Variants in MIB1 observed in about 807,000 individuals in gnomAD.
MIB1 encodes MIB E3 ubiquitin protein ligase 1.
Under a neutral mutation model 124.5 loss-of-function variants are expected in MIB1, and 278 were observed. That is an observed-to-expected ratio of 2.23 (90% CI 2.02 to 2.47). The LOEUF (loss-of-function observed/expected upper bound fraction) is 2.47. MIB1 is among the 30% of genes most tolerant of loss of function. The pLI is 0.00. For missense variants in MIB1, 957 were observed against 1,254.4 expected (o/e 0.76, Z 3.58); for synonymous variants, 446 against 429.4 (o/e 1.04, Z -0.48).
chr18:21,838,385 C>T lies in MIB1; in HGVS notation c.1850C>T (p.Ser617Phe), dbSNP rs2042052732. The part of the protein sequence containing the change: ...GNPSAMRVLL[S>F]KLPRPWIVDE... Reference sequence around the variant, plus strand: ...TTCAGTGCAATGCGTGTTTTACTATCTAAATTACCAAGACCATGGATTGTG... The same window carrying T: ...TTCAGTGCAATGCGTGTTTTACTATTTAAATTACCAAGACCATGGATTGTG... Residue 617 changes from serine (S) to phenylalanine (F), a missense_variant, in exon 13 of 21, where the codon TCT becomes TTT. By Grantham distance (155) the Ser-to-Phe change is radical (BLOSUM62 -2). Coordinates refer to ENST00000261537, the MANE Select transcript of MIB1 (RefSeq NM_020774.4). 1 of 1,599,276 alleles carries T rather than the reference C, an allele frequency of 6.3e-7. No individual in the cohort carries two copies.
rs932238271 is a variant in MIB1, at chr18:21,865,289, C to A, written c.*623C>A. 1.5e-4 allele frequency: 22 copies of A among 151,720 alleles called. No homozygotes were observed. Among genetic ancestry groups the A allele is most frequent in the African/African-American group, 5.3e-4 (22 of 41,290 alleles). The allele number at this position is 151,720 out of a possible 1,614,324, so 9.4% of individuals were successfully genotyped here. A position where few individuals can be genotyped will look rare whatever the true frequency, so the allele number is the denominator to read the frequency against. On this transcript the variant is annotated 3_prime_UTR_variant, in exon 21 of 21. Coordinates refer to ENST00000261537, the MANE Select transcript of MIB1 (RefSeq NM_020774.4). ...AATGACTTTGCATTTCTCTTGTTTT[C>A]TAGATTCAAAAGGAACATTGTTTAA...
chr18:21,729,931 A>G (rs2040760564), intron 1 of MIB1, among the ~76,000 whole-genome samples: 1 of 152,238 alleles, frequency 6.6e-6, no homozygotes, highest in Admixed American at 6.5e-5. Flanking sequence ...GATCACAGCA[A>G]TCTATGTGCC....
intron 4 of MIB1, among the ~76,000 whole-genome samples, chr18:21,774,900 T>C (rs2041263441): frequency 6.6e-6 from 1 of 150,772 alleles, no homozygotes; most frequent in South Asian, 2.1e-4. Context: ...AGTATCCCAG[T>C]GTCCCCTTAA....
intron 1 of MIB1, among the ~76,000 whole-genome samples, chr18:21,723,327 G>A (rs2146359401): frequency 6.6e-6 from 1 of 151,674 alleles, no homozygotes; most frequent in African/African-American, 2.4e-5. Context: ...CCCTATCTCA[G>A]GCCTAGAATG....
chr18:21,853,763 T>A (rs2042201448), intron 18 of MIB1, among the ~76,000 whole-genome samples: 2 of 152,216 alleles, frequency 1.3e-5, no homozygotes, highest in African/African-American at 4.8e-5. Context: ...ACATATTCTC[T>A]TGAAGTCCTT....
At chr18:21,722,644 C>G (rs1226901079) in intron 1 of MIB1, among the ~76,000 whole-genome samples, 1 of 152,156 alleles carries the variant, frequency 6.6e-6, no homozygotes, top group Non-Finnish European at 1.5e-5. Context: ...GCTGGAATTA[C>G]AGGCATGAGC....
At chr18:21,725,698 C>G (rs1018141441) in intron 1 of MIB1, among the ~76,000 whole-genome samples, 2 of 151,976 alleles carry the variant, frequency 1.3e-5, no homozygotes, top group East Asian at 1.9e-4. Flanking sequence ...TCCTCCTTCC[C>G]GAGGGGAAAG....
chr18:21,801,636 C>G (rs1248746583), intron 9 of MIB1, among the ~76,000 whole-genome samples: 1 of 152,100 alleles, frequency 6.6e-6, no homozygotes, highest in African/African-American at 2.4e-5. Flanking sequence ...TTCCCAGTCC[C>G]TCTTTACCTT....
intron 1 of MIB1, among the ~76,000 whole-genome samples, chr18:21,748,531 G>A (rs1354887360): frequency 6.6e-6 from 1 of 151,556 alleles, no homozygotes; most frequent in Admixed American, 6.6e-5. Context: ...CTGGGCTCAA[G>A]CCATCTTCCC....
intron 10 of MIB1, 51 bp from the exon 11 acceptor site, chr18:21,815,565 T>A (rs745363722): frequency 2.7e-6 from 4 of 1,506,188 alleles, no homozygotes; most frequent in Middle Eastern, 1.8e-4. Context: ...GCTTCAAGGT[T>A]TTTTTCTTTC....
At chr18:21,717,188 C>A (rs1402352563) in intron 1 of MIB1, among the ~76,000 whole-genome samples, 4 of 151,966 alleles carry the variant, frequency 2.6e-5, no homozygotes, top group Non-Finnish European at 4.4e-5. Context: ...TGCAGGGTAG[C>A]CAAATGTAGG....
intron 2 of MIB1, among the ~76,000 whole-genome samples, chr18:21,768,225 A>G (rs1039529735): frequency 4.6e-5 from 7 of 152,210 alleles, no homozygotes; most frequent in African/African-American, 1.7e-4. Context: ...AAATGCTTAG[A>G]CTAGGATCAT....
Position 21,869,491 on chromosome 18 carries a change from G to A in MIB1, c.*4825G>A, listed in dbSNP as rs958594890. On this transcript the variant is annotated 3_prime_UTR_variant, in exon 21 of 21. Coordinates refer to ENST00000261537, the MANE Select transcript of MIB1 (RefSeq NM_020774.4). ...ATAAAAGATGGTCTTTAGTGCACGTGTATCATTATATACACGTTTTAAAGT... is the reference window on the plus strand; with the variant it reads ...ATAAAAGATGGTCTTTAGTGCACGTATATCATTATATACACGTTTTAAAGT... 1.3e-5 allele frequency: 2 copies of A among 152,360 alleles called. No individual in the cohort carries two copies. The highest frequency in any genetic ancestry group is 2.9e-5 in the Non-Finnish European group (2 of 67,882). The allele number at this position is 152,360 out of a possible 1,614,324, so 9.4% of individuals were successfully genotyped here. A position where few individuals can be genotyped will look rare whatever the true frequency, so the allele number is the denominator to read the frequency against.
At chr18:21,791,287 C>G in intron 6 of MIB1, 87 bp from the exon 7 acceptor site, 1 of 1,063,154 alleles carries the variant, frequency 9.4e-7, no homozygotes, top group Non-Finnish European at 1.3e-6. Flanking sequence ...AAAGGATTGC[C>G]TTACTCTTTT....
At chr18:21,804,102 G>A in intron 10 of MIB1, 88 bp downstream of exon 10, 1 of 976,166 alleles carries the variant, frequency 1.0e-6, no homozygotes, top group Non-Finnish European at 1.6e-6. Flanking sequence ...TTTTATTTTT[G>A]AAATTTAGTA....
Position 21,864,523 on chromosome 18 carries a change from C to G in MIB1, c.2881-3C>G. On this transcript the variant is annotated splice_polypyrimidine_tract_variant and splice_region_variant and intron_variant, in intron 20 of 20. Transcript: ENST00000261537. ...TTTATTACTTTGTTATCTCACATTA[C>G]AGACAATGTGCCCTGTGTGTCTAGA... 6.2e-7 allele frequency: 1 copy of G among 1,607,516 alleles called. No individual in the cohort carries two copies. Among genetic ancestry groups the G allele is most frequent in the Non-Finnish European group, 8.5e-7 (1 of 1,174,908 alleles).
chr18:21,756,943 G>A (rs2041039142), intron 1 of MIB1, among the ~76,000 whole-genome samples: 2 of 152,132 alleles, frequency 1.3e-5, no homozygotes, highest in African/African-American at 4.8e-5. Flanking sequence ...GACTGGCAGA[G>A]GCTTCCAAAA....
chr18:21,723,440 A>T (rs1410616469), intron 1 of MIB1, among the ~76,000 whole-genome samples: 1 of 152,138 alleles, frequency 6.6e-6, no homozygotes, highest in Admixed American at 6.5e-5. Context: ...ACTGGATATC[A>T]CTGCTTTTAG....
At chr18:21,856,925 T>C (rs2042234042) in intron 18 of MIB1, among the ~76,000 whole-genome samples, 1 of 152,240 alleles carries the variant, frequency 6.6e-6, no homozygotes, top group African/African-American at 2.4e-5. Context: ...GTTTTCATAA[T>C]GATGGGCTCT....
Sources: allele counts gnomAD v4.1 joint callset (sites outside exome capture counted in the v4.1 genomes callset), GRCh38; gene constraint gnomAD v4.1.1; transcripts MANE v1.5; gene names NCBI Gene and HGNC (gene_info 2026-07-23, HGNC 2026-07-21).